PTPRT: variants seen among roughly 807,000 people sequenced by gnomAD.
PTPRT encodes receptor-type tyrosine-protein phosphatase T.
PTPRT carries 56 observed loss-of-function variants against 176.8 expected under a neutral mutation model. That is an observed-to-expected ratio of 0.32 (90% CI 0.26 to 0.40). PTPRT has a LOEUF of 0.40. PTPRT is among the 10% of genes least tolerant of loss of function. PTPRT has a pLI of 1.00. For synonymous variants in PTPRT, 783 were observed against 739.0 expected (o/e 1.06, Z -0.96); for missense variants, 1,540 against 1,908.2 (o/e 0.81, Z 3.60).
intron 25 of PTPRT, among the ~76,000 whole-genome samples, chr20:42,102,795 G>C (rs1403839464): frequency 1.3e-5 from 2 of 152,220 alleles, no homozygotes; most frequent in African/African-American, 4.8e-5. Context: ...GGATAGATGA[G>C]AGACCTCCGA....
intron 7 of PTPRT, among the ~76,000 whole-genome samples, chr20:42,543,400 C>T (rs527950304): frequency 1.3e-5 from 2 of 152,248 alleles, no homozygotes; most frequent in East Asian, 1.9e-4. Flanking sequence ...GAAGCAATTC[C>T]TCATTTGTTA....
intron 16 of PTPRT, among the ~76,000 whole-genome samples, chr20:42,168,043 G>C (rs1989903158): frequency 1.3e-5 from 2 of 152,124 alleles, no homozygotes; most frequent in Non-Finnish European, 2.9e-5. Flanking sequence ...AAGTAAGCTA[G>C]AGAAAAGAAA....
In PTPRT at chr20:42,075,432, C is replaced by T. The variant is rs1376838737; in HGVS notation, c.*5447G>A. 4.4e-6 allele frequency: 1 copy of T among 226,642 alleles called. No individual in the cohort carries two copies. The highest frequency in any genetic ancestry group is 8.8e-6 in the Non-Finnish European group (1 of 113,976). The allele number at this position is 226,642 out of a possible 1,614,324, so 14.0% of individuals were successfully genotyped here. On this transcript the variant is annotated 3_prime_UTR_variant, in exon 31 of 31. Coordinates refer to ENST00000373187, the MANE Select transcript of PTPRT (RefSeq NM_007050.6). ...ACTTAGGAACAGCGTCCTGTTCATG[C>T]TTCCTCTTGGGCTCACCCATGTCTT...
At chr20:42,778,575 C>T (rs2077170293) in intron 4 of PTPRT, among the ~76,000 whole-genome samples, 1 of 152,150 alleles carries the variant, frequency 6.6e-6, no homozygotes, top group Admixed American at 6.5e-5. Context: ...AGACAGAAGG[C>T]ATGTTTCAGA....
chr20:42,211,085 C>T (rs1460287486), intron 15 of PTPRT, among the ~76,000 whole-genome samples: 1 of 152,136 alleles, frequency 6.6e-6, no homozygotes, highest in Non-Finnish European at 1.5e-5. Flanking sequence ...GGTAAACTGG[C>T]TAGCCATATG....
chr20:42,636,002 T>A (rs941066398), intron 7 of PTPRT, among the ~76,000 whole-genome samples: 2 of 152,180 alleles, frequency 1.3e-5, no homozygotes, highest in African/African-American at 4.8e-5. Flanking sequence ...TTAAGGAAAG[T>A]CACCGAGTTA....
chr20:42,826,396 C>T (rs1301852480), intron 2 of PTPRT, among the ~76,000 whole-genome samples: 1 of 152,160 alleles, frequency 6.6e-6, no homozygotes, highest in Non-Finnish European at 1.5e-5. Context: ...TGAACAAAGC[C>T]CCTCCCATGC....
chr20:42,837,756 A>T (rs2078207296), intron 2 of PTPRT, among the ~76,000 whole-genome samples: 1 of 152,220 alleles, frequency 6.6e-6, no homozygotes, highest in African/African-American at 2.4e-5. Context: ...CCAAAGGGAA[A>T]CAAAAGTCCA....
chr20:42,472,184 A>G, intron 8 of PTPRT, 82 bp downstream of exon 8: 5 of 1,453,062 alleles, frequency 3.4e-6, no homozygotes, highest in Non-Finnish European at 4.7e-6. Flanking sequence ...TAGGAAAAAT[A>G]AAAGCCTCAT....
At chr20:42,732,500 G>C (rs2076476240) in intron 6 of PTPRT, among the ~76,000 whole-genome samples, 1 of 152,188 alleles carries the variant, frequency 6.6e-6, no homozygotes, top group African/African-American at 2.4e-5. Flanking sequence ...TTTCTGCTTG[G>C]GGAAGCTGTA....
At chr20:42,613,983 A>C (rs1161312585) in intron 7 of PTPRT, among the ~76,000 whole-genome samples, 4 of 115,746 alleles carry the variant, frequency 3.5e-5, no homozygotes, top group Non-Finnish European at 6.6e-5. Flanking sequence ...AGTACCATAG[A>C]CTGGGTGGGG....
chr20:42,926,835 G>T (rs894799822), intron 1 of PTPRT, among the ~76,000 whole-genome samples: 5 of 152,144 alleles, frequency 3.3e-5, no homozygotes, highest in African/African-American at 1.2e-4. Context: ...GGCTTACAAT[G>T]CATCCCCAAG....
chr20:42,610,758 C>T (rs1338196484), intron 7 of PTPRT, among the ~76,000 whole-genome samples: 8 of 152,246 alleles, frequency 5.3e-5, no homozygotes, highest in South Asian at 4.1e-4. Context: ...AGTGAATTAT[C>T]GTATATTCAC....
intron 22 of PTPRT, among the ~76,000 whole-genome samples, chr20:42,110,754 G>T (rs1986937590): frequency 6.7e-6 from 1 of 150,342 alleles, no homozygotes; most frequent in South Asian, 2.1e-4. Context: ...GCCCAAGAGG[G>T]CCACAGAGCA....
In PTPRT at chr20:42,365,067, G is replaced by A. The variant is rs78430572; in HGVS notation, c.1561-12782C>T. On this transcript the variant is annotated intron_variant, in intron 9 of 30. Coordinates refer to ENST00000373187, the MANE Select transcript of PTPRT (RefSeq NM_007050.6). ...AAAAAAGGCAAAGAGAAGCAGGTGG[G>A]AATTAATTTCAGTAATATACTTTCT... Among the ~76,000 whole-genome samples the A allele has an allele frequency of 6.0e-3, 919 of 152,260 alleles. 3 individuals are homozygous for A. Among genetic ancestry groups the A allele is most frequent in the Non-Finnish European group, 0.011 (730 of 68,024 alleles).
At chr20:42,410,159 T>A (rs372148033) in intron 9 of PTPRT, among the ~76,000 whole-genome samples, 1 of 152,082 alleles carries the variant, frequency 6.6e-6, no homozygotes, top group Non-Finnish European at 1.5e-5. Context: ...ATTGAAAGCA[T>A]TTAATTCAAA....
chr20:42,848,341 A>G (rs2078412137), intron 2 of PTPRT, among the ~76,000 whole-genome samples: 1 of 152,224 alleles, frequency 6.6e-6, no homozygotes, highest in African/African-American at 2.4e-5. Context: ...GTAGATACCC[A>G]GTAGTGGGAT....
chr20:42,255,824 C>T (rs1302751029), intron 13 of PTPRT, among the ~76,000 whole-genome samples: 1 of 152,210 alleles, frequency 6.6e-6, no homozygotes. Context: ...ATAACCCATG[C>T]TGGTGATCAT....
chr20:42,471,418 G>A (rs956248573), intron 8 of PTPRT, among the ~76,000 whole-genome samples: 7 of 152,052 alleles, frequency 4.6e-5, no homozygotes, highest in African/African-American at 1.4e-4. Context: ...TGAATTCCCC[G>A]GAGATCTGGT....
Sources: allele counts gnomAD v4.1 joint callset (sites outside exome capture counted in the v4.1 genomes callset), GRCh38; gene constraint gnomAD v4.1.1; transcripts MANE v1.5; gene names NCBI Gene and HGNC (gene_info 2026-07-23, HGNC 2026-07-21).